The following TBCD variants were observed in gnomAD, a reference collection of about 807,000 sequenced individuals.
TBCD encodes tubulin folding cofactor D.
A neutral mutation model predicts 169.3 loss-of-function variants in TBCD; 105 were observed. That is an observed-to-expected ratio of 0.62 (90% CI 0.53 to 0.73). The LOEUF is 0.73. TBCD is among the 30% of genes least tolerant of loss of function. The pLI is 0.00. For missense variants in TBCD, 1,444 were observed against 1,600.1 expected, an observed-to-expected ratio of 0.90 and a Z score of 1.66; for synonymous variants, 700 against 643.9, an observed-to-expected ratio of 1.09 and a Z score of -1.32.
chr17:82,902,220 A>G (rs1213798992), intron 18 of TBCD, among the ~76,000 whole-genome samples: 1 of 152,158 alleles, frequency 6.6e-6, no homozygotes, highest in East Asian at 1.9e-4. Flanking sequence ...GTAACTGATG[A>G]CTGGTGTAGT....
At chr17:82,753,700 G>A (rs1444166956) in intron 1 of TBCD, among the ~76,000 whole-genome samples, 1 of 151,382 alleles carries the variant, frequency 6.6e-6, no homozygotes, top group South Asian at 2.1e-4. Context: ...GTGGTCGCCC[G>A]ACTCAGCCTC....
intron 13 of TBCD, among the ~76,000 whole-genome samples, chr17:82,818,101 TG>T (rs1328532798): frequency 6.6e-6 from 1 of 152,214 alleles, no homozygotes; most frequent in Non-Finnish European, 1.5e-5. Context: ...CCCAGGCAGC[TG>T]GGGCGAGAGG....
intron 13 of TBCD, among the ~76,000 whole-genome samples, chr17:82,857,000 G>A (rs560597890): frequency 1.3e-5 from 2 of 151,822 alleles, no homozygotes; most frequent in East Asian, 3.8e-4. Flanking sequence ...TCGCTGGACC[G>A]CGTGCGGACC....
At chr17:82,856,632 G>A (rs1489897668) in intron 13 of TBCD, among the ~76,000 whole-genome samples, 2 of 152,200 alleles carry the variant, frequency 1.3e-5, no homozygotes, top group Non-Finnish European at 2.9e-5. Flanking sequence ...CCCACCTTTT[G>A]GCCCTTGTGA....
At chr17:82,882,569 A>C (rs979377842) in intron 14 of TBCD, among the ~76,000 whole-genome samples, 1 of 152,200 alleles carries the variant, frequency 6.6e-6, no homozygotes, top group African/African-American at 2.4e-5. Context: ...GAACATGAGG[A>C]TACGTGAGCC....
intron 6 of TBCD, among the ~76,000 whole-genome samples, chr17:82,777,979 C>A (rs1307384504): frequency 6.6e-6 from 1 of 152,250 alleles, no homozygotes; most frequent in Non-Finnish European, 1.5e-5. Context: ...ACCAAGGAGC[C>A]CTCTGGTGGC....
At chr17:82,824,222 C>T (rs550334731) in intron 13 of TBCD, among the ~76,000 whole-genome samples, 1 of 151,922 alleles carries the variant, frequency 6.6e-6, no homozygotes, top group South Asian at 2.1e-4. Context: ...TGCTCTATCA[C>T]CCAGGCTGGA....
At position 82,915,432 on chromosome 17, in the gene TBCD, G is replaced by A. The variant is rs1037744772; in HGVS notation, c.2038+3643G>A. Among the ~76,000 whole-genome samples, 246 of 152,254 alleles carry A rather than the reference G, an allele frequency of 1.6e-3. 5 individuals carry two copies. Among genetic ancestry groups the A allele is most frequent in the Admixed American group, 0.016 (244 of 15,294 alleles). ...GATGAACATCCTGGATGTCCTCAGC[G>A]TGGCCTGAACTGAGCTGCTTCCCCC... On this transcript the variant is annotated intron_variant, in intron 23 of 38. Coordinates refer to ENST00000355528, the MANE Select transcript of TBCD (RefSeq NM_005993.5). This position sits in a 1 kb window ranked among gnomAD's most constrained non-coding sequence, Gnocchi z 4.3.
At chr17:82,757,125 G>GAGCA (rs1211945321) in intron 2 of TBCD, among the ~76,000 whole-genome samples, 6 of 152,314 alleles carry the variant, frequency 3.9e-5, no homozygotes, top group Non-Finnish European at 7.3e-5. Context: ...CGTTGAGAGG[G>GAGCA]AGCACCCTGG....
chr17:82,935,531 C>G (rs1317521378), intron 34 of TBCD, among the ~76,000 whole-genome samples: 1 of 146,532 alleles, frequency 6.8e-6, no homozygotes, highest in Non-Finnish European at 1.5e-5. Flanking sequence ...TTTTGTCATT[C>G]CATTGTTTTC....
intron 20 of TBCD, 32 bp downstream of exon 20, chr17:82,906,085 G>A: frequency 6.6e-7 from 1 of 1,505,664 alleles, no homozygotes; most frequent in South Asian, 1.2e-5. Context: ...GAGACACAGG[G>A]CTCTGTCCCT....
At chr17:82,844,726 C>T (rs371281757) in intron 13 of TBCD, among the ~76,000 whole-genome samples, 2 of 149,152 alleles carry the variant, frequency 1.3e-5, no homozygotes, top group African/African-American at 4.9e-5. Flanking sequence ...GGATTTTACC[C>T]GCTATTTTTT....
chr17:82,775,139 G>C (rs904823766), intron 6 of TBCD, among the ~76,000 whole-genome samples: 1 of 152,220 alleles, frequency 6.6e-6, no homozygotes, highest in African/African-American at 2.4e-5. Flanking sequence ...CTCCCGGCGA[G>C]ACACCGCAGC....
At chr17:82,812,899 G>A (rs914372516) in intron 12 of TBCD, among the ~76,000 whole-genome samples, 3 of 152,076 alleles carry the variant, frequency 2.0e-5, no homozygotes, top group South Asian at 2.1e-4. Context: ...AGCTCACTGC[G>A]GCCTCTACTT....
In TBCD at chr17:82,800,547, C is replaced by T. The variant is rs140490861; in HGVS notation, c.818-317C>T. Among the ~76,000 whole-genome samples the T allele has an allele frequency of 7.8e-3, 1,190 of 152,060 alleles. 5 individuals are homozygous for T. Among genetic ancestry groups the T allele is most frequent in the South Asian group, 0.012 (58 of 4,784 alleles). On this transcript the variant is annotated intron_variant, in intron 8 of 38. Transcript: ENST00000355528. The stretch of plus-strand genomic sequence containing the variant: ...GTGGTCTCTGTGGCCGCAGGATGCC[C>T]GTGGCCTGTGGGGTCTCCGTGGCTG...
chr17:82,767,951 C>T (rs1237403046), intron 4 of TBCD, among the ~76,000 whole-genome samples: 1 of 149,066 alleles, frequency 6.7e-6, no homozygotes, highest in Non-Finnish European at 1.5e-5. Context: ...GAGACTCCAT[C>T]TCAAAAAAAA....
chr17:82,831,813 A>C lies in TBCD; in HGVS notation c.1318+16879A>C. On this transcript the variant is annotated intron_variant, in intron 13 of 38. Transcript: ENST00000355528. The surrounding 1 kb of genome is among the most constrained non-coding windows in gnomAD (Gnocchi z 4.6). ...AGATTTTATGTGGAAACTCTGGTGG[A>C]AGGAAAGGTGAGCCGGCTTTCCAGG... 6.2e-7 allele frequency: 1 copy of C among 1,614,130 alleles called. No homozygotes were observed. Among genetic ancestry groups the C allele is most frequent in the Non-Finnish European group, 8.5e-7 (1 of 1,180,022 alleles).
At position 82,922,906 on chromosome 17, in the gene TBCD, C is replaced by T. The variant is rs889444662; in HGVS notation, c.2179-746C>T. 5.3e-5 allele frequency among the ~76,000 whole-genome samples: 8 copies of T among 152,194 alleles called. No homozygotes were observed. The highest frequency in any genetic ancestry group is 1.4e-4 in the African/African-American group (6 of 41,458). On this transcript the variant is annotated intron_variant, in intron 25 of 38. Transcript: ENST00000355528. The surrounding 1 kb of genome is among the most constrained non-coding windows in gnomAD (Gnocchi z 4.1). ...TCCGTAGGTGGCAGAGGTGGGGGTTCGAGGAGACAGTGGCACTGAGCCCCG... is the reference window on the plus strand; with the variant it reads ...TCCGTAGGTGGCAGAGGTGGGGGTTTGAGGAGACAGTGGCACTGAGCCCCG...
intron 13 of TBCD, among the ~76,000 whole-genome samples, chr17:82,836,085 C>G (rs2053947161): frequency 6.6e-6 from 1 of 151,652 alleles, no homozygotes. Context: ...TTCTAATTTC[C>G]CCCTATTAGA....
Sources: allele counts gnomAD v4.1 joint callset (sites outside exome capture counted in the v4.1 genomes callset), GRCh38; gene constraint gnomAD v4.1.1; non-coding constraint Gnocchi (gnomAD v3.1); transcripts MANE v1.5; gene names NCBI Gene and HGNC (gene_info 2026-07-23, HGNC 2026-07-21).